The following AGBL4 variants were observed in gnomAD, a reference collection of about 807,000 sequenced individuals.
AGBL4 encodes cytosolic carboxypeptidase 6.
Under a neutral mutation model 66.4 loss-of-function variants are expected in AGBL4, and 58 were observed. That is an observed-to-expected ratio of 0.87 (90% CI 0.71 to 1.09). The LOEUF (loss-of-function observed/expected upper bound fraction) is 1.09, where lower values mean the gene tolerates loss of function less well. Among genes scored for constraint, AGBL4 ranks in the 50% least tolerant of loss-of-function variants. AGBL4 has a pLI of 0.00. For missense variants in AGBL4, 579 were observed against 631.0 expected (o/e 0.92, Z 0.88); for synonymous variants, 234 against 222.9 (o/e 1.05, Z -0.44).
intron 3 of AGBL4, among the ~76,000 whole-genome samples, chr1:49,411,862 A>C (rs1645322792): frequency 1.3e-5 from 2 of 152,214 alleles, no homozygotes; most frequent in African/African-American, 4.8e-5. Context: ...GAGATGATGG[A>C]AGTCTGAATG....
chr1:48,632,116 G>C (rs1015540972), intron 9 of AGBL4, among the ~76,000 whole-genome samples: 1 of 152,170 alleles, frequency 6.6e-6, no homozygotes, highest in South Asian at 2.1e-4. Flanking sequence ...TGAGGAGAGA[G>C]AGAGTGGGGA....
chr1:49,069,406 A>AATCTGGGTGGTCCTG (rs1402682524), intron 4 of AGBL4, among the ~76,000 whole-genome samples: 30 of 150,266 alleles, frequency 2.0e-4, no homozygotes, highest in African/African-American at 6.8e-4. Flanking sequence ...GTTAATTTTT[A>AATCTGGGTGGTCCTG]TATAAGGTGT....
intron 6 of AGBL4, among the ~76,000 whole-genome samples, chr1:48,862,221 G>A (rs1282893245): frequency 1.3e-5 from 2 of 152,184 alleles, no homozygotes; most frequent in Non-Finnish European, 2.9e-5. Flanking sequence ...TAAGGCACCA[G>A]AGCTAGCACA....
At chr1:49,271,958 A>G (rs1644069887) in intron 3 of AGBL4, among the ~76,000 whole-genome samples, 1 of 152,130 alleles carries the variant, frequency 6.6e-6, no homozygotes. Flanking sequence ...GTGACAGAAA[A>G]CTTGGCCTTT....
chr1:49,752,006 T>C (rs1248865465), intron 2 of AGBL4, among the ~76,000 whole-genome samples: 1 of 152,068 alleles, frequency 6.6e-6, no homozygotes, highest in Non-Finnish European at 1.5e-5. Context: ...TCTATTTTAT[T>C]AATCTTTTCA....
chr1:49,699,568 A>C (rs1647048948), intron 2 of AGBL4, among the ~76,000 whole-genome samples: 1 of 152,072 alleles, frequency 6.6e-6, no homozygotes, highest in Admixed American at 6.6e-5. Context: ...ATGTAAATGG[A>C]TTAAAATTAT....
At chr1:49,062,120 C>G (rs1010670531) in intron 4 of AGBL4, among the ~76,000 whole-genome samples, 3 of 152,176 alleles carry the variant, frequency 2.0e-5, no homozygotes, top group African/African-American at 7.2e-5. Flanking sequence ...GCCTGATGAT[C>G]TGAGGTGAAA....
chr1:49,032,286 T>C (rs1460729831), intron 5 of AGBL4, among the ~76,000 whole-genome samples: 2 of 152,122 alleles, frequency 1.3e-5, no homozygotes, highest in Non-Finnish European at 2.9e-5. Context: ...TTTTCATGGA[T>C]AGCGAAATCA....
chr1:49,619,114 GTCAGGGCAA>G (rs2124286574), intron 3 of AGBL4, among the ~76,000 whole-genome samples: 1 of 152,132 alleles, frequency 6.6e-6, no homozygotes, highest in East Asian at 1.9e-4. Context: ...GGAAGTTCTG[GTCAGGGCAA>G]TCAGGCAAGA....
chr1:49,325,084 A>G (rs241462), intron 3 of AGBL4, among the ~76,000 whole-genome samples: 104,972 of 152,020 alleles, frequency 0.69, 37,075 homozygotes, highest in African/African-American at 0.8. Flanking sequence ...GTGCAGTGGC[A>G]CAATCTTGGC....
chr1:49,793,652 AT>A (rs1426702269), intron 2 of AGBL4, among the ~76,000 whole-genome samples: 1 of 151,656 alleles, frequency 6.6e-6, no homozygotes, highest in South Asian at 2.1e-4. Context: ...TTTGGATCTC[AT>A]TTTTTTTAAT....
At chr1:49,050,556 T>A (rs971481464) in intron 4 of AGBL4, among the ~76,000 whole-genome samples, 3 of 152,128 alleles carry the variant, frequency 2.0e-5, no homozygotes, top group Non-Finnish European at 4.4e-5. Context: ...CTAGTGAAAC[T>A]TTAAGTCATG....
intron 6 of AGBL4, among the ~76,000 whole-genome samples, chr1:48,801,878 C>A (rs1645817295): frequency 6.6e-6 from 1 of 151,394 alleles, no homozygotes; most frequent in Non-Finnish European, 1.5e-5. Context: ...TTCCATCCGC[C>A]ATTTCTCACT....
At chr1:48,782,908 T>C (rs149096441) in intron 6 of AGBL4, among the ~76,000 whole-genome samples, 3 of 152,340 alleles carry the variant, frequency 2.0e-5, no homozygotes, top group East Asian at 3.9e-4. Flanking sequence ...AAATCCTCTG[T>C]GTTCCACCTA....
At chr1:49,463,258 T>C (rs1646554199) in intron 3 of AGBL4, among the ~76,000 whole-genome samples, 1 of 151,726 alleles carries the variant, frequency 6.6e-6, no homozygotes, top group Non-Finnish European at 1.5e-5. Context: ...TGCCTGACAC[T>C]CTGCTACCTT....
chr1:49,439,546 G>A (rs1157346694), intron 3 of AGBL4, among the ~76,000 whole-genome samples: 1 of 152,150 alleles, frequency 6.6e-6, no homozygotes, highest in Non-Finnish European at 1.5e-5. Context: ...TAGATTGAAG[G>A]ATGCGAAGTA....
intron 4 of AGBL4, among the ~76,000 whole-genome samples, chr1:49,231,238 G>C (rs1650285292): frequency 6.6e-6 from 1 of 152,184 alleles, no homozygotes; most frequent in African/African-American, 2.4e-5. Flanking sequence ...CGGTCAACAA[G>C]TAAGTGGTAG....
At chr1:49,969,361 G>A (rs2148358866) in intron 1 of AGBL4, among the ~76,000 whole-genome samples, 1 of 152,148 alleles carries the variant, frequency 6.6e-6, no homozygotes, top group East Asian at 1.9e-4. Context: ...TATGTGTGGT[G>A]TGTCTGTGTG....
At chr1:49,832,795 CT>C (rs1446309665) in intron 2 of AGBL4, among the ~76,000 whole-genome samples, 4 of 152,158 alleles carry the variant, frequency 2.6e-5, no homozygotes, top group Non-Finnish European at 5.9e-5. Flanking sequence ...TAAATGTCTT[CT>C]TTTGAGAAGT....
Sources: allele counts gnomAD v4.1 joint callset (sites outside exome capture counted in the v4.1 genomes callset), GRCh38; gene constraint gnomAD v4.1.1; transcripts MANE v1.5; gene names NCBI Gene and HGNC (gene_info 2026-07-23, HGNC 2026-07-21).